Variants in PLCB1 observed in about 807,000 individuals in gnomAD.
The protein encoded by PLCB1 is 1-phosphatidylinositol 4,5-bisphosphate phosphodiesterase beta-1.
A neutral mutation model predicts 161.8 loss-of-function variants in PLCB1; 46 were observed. The observed-to-expected ratio is 0.28, with a 90% CI of 0.22 to 0.36. The LOEUF is 0.36. PLCB1 is among the 10% of genes least tolerant of loss of function. The pLI is 1.00. For missense variants in PLCB1, 1,016 were observed against 1,472.5 expected (o/e 0.69, Z 5.07); for synonymous variants, 517 against 503.7 (o/e 1.03, Z -0.35).
intron 3 of PLCB1, among the ~76,000 whole-genome samples, chr20:8,505,973 A>G (rs1983620785): frequency 6.6e-6 from 1 of 152,206 alleles, no homozygotes. Context: ...GCATAACAGT[A>G]GAATTTAACT....
At chr20:8,311,137 C>T (rs747168715) in intron 2 of PLCB1, among the ~76,000 whole-genome samples, 11 of 152,068 alleles carry the variant, frequency 7.2e-5, no homozygotes, top group Non-Finnish European at 1.2e-4. Flanking sequence ...TATGTGTGTG[C>T]ATTCATCAAA....
At chr20:8,451,359 A>G (rs1981067578) in intron 3 of PLCB1, among the ~76,000 whole-genome samples, 1 of 151,690 alleles carries the variant, frequency 6.6e-6, no homozygotes, top group Non-Finnish European at 1.5e-5. Flanking sequence ...TTTATTTTTT[A>G]TTTTTTGAGA....
chr20:8,309,587 C>T (rs1056759236), intron 2 of PLCB1, among the ~76,000 whole-genome samples: 9 of 152,166 alleles, frequency 5.9e-5, no homozygotes, highest in Non-Finnish European at 1.3e-4. Flanking sequence ...CCCATGATGA[C>T]CTAGTCCATT....
chr20:8,813,441 C>T (rs1464577266), intron 31 of PLCB1, among the ~76,000 whole-genome samples: 2 of 152,126 alleles, frequency 1.3e-5, no homozygotes, highest in East Asian at 3.9e-4. Flanking sequence ...CTGAGACCAG[C>T]TCTAAAGTAA....
At chr20:8,802,227 C>T in intron 31 of PLCB1, 1 of 890,072 alleles carries the variant, frequency 1.1e-6, no homozygotes, top group South Asian at 1.4e-5. Flanking sequence ...TGTAGCCATC[C>T]AGTTTTCAGG....
intron 2 of PLCB1, among the ~76,000 whole-genome samples, chr20:8,157,223 C>A (rs1390898489): frequency 6.6e-6 from 1 of 152,080 alleles, no homozygotes; most frequent in South Asian, 2.1e-4. Context: ...GTTTCTTGGA[C>A]CCTTGGAAAT....
intron 31 of PLCB1, 145 bp from the exon 32 acceptor site, chr20:8,881,477 T>G (rs1396176675): frequency 1.5e-6 from 1 of 672,580 alleles, no homozygotes; most frequent in Admixed American, 2.7e-5. Context: ...CTTTGTTACA[T>G]CTCCTCTATA....
At chr20:8,674,369 A>T (rs6039228) in intron 9 of PLCB1, among the ~76,000 whole-genome samples, 6,934 of 152,218 alleles carry the variant, frequency 0.046, 516 homozygotes, top group African/African-American at 0.16. Flanking sequence ...TCTCACTCTC[A>T]ATTTCTATTT....
At chr20:8,602,453 C>T (rs1987619278) in intron 3 of PLCB1, among the ~76,000 whole-genome samples, 1 of 152,194 alleles carries the variant, frequency 6.6e-6, no homozygotes. Flanking sequence ...ACTTATCTAT[C>T]CCTGTCCAAA....
chr20:8,477,493 T>C (rs534554800), intron 3 of PLCB1, among the ~76,000 whole-genome samples: 1 of 152,250 alleles, frequency 6.6e-6, no homozygotes, highest in South Asian at 2.1e-4. Context: ...ATGTAACTAG[T>C]GTGTATTAGC....
intron 2 of PLCB1, among the ~76,000 whole-genome samples, chr20:8,295,247 A>C (rs1018077534): frequency 6.6e-6 from 1 of 152,178 alleles, no homozygotes; most frequent in East Asian, 1.9e-4. Context: ...TTAAATTGGG[A>C]GGTAGATAAA....
At chr20:8,396,192 C>T (rs1469571130) in intron 3 of PLCB1, among the ~76,000 whole-genome samples, 2 of 152,028 alleles carry the variant, frequency 1.3e-5, no homozygotes, top group Admixed American at 6.6e-5. Context: ...CATATAACTA[C>T]AGAAGTGGGG....
chr20:8,247,426 T>C (rs1980931643), intron 2 of PLCB1, among the ~76,000 whole-genome samples: 1 of 151,968 alleles, frequency 6.6e-6, no homozygotes, highest in Non-Finnish European at 1.5e-5. Context: ...TAGAAATCAT[T>C]AGAAATTTTA....
At chr20:8,514,939 T>A (rs938604121) in intron 3 of PLCB1, among the ~76,000 whole-genome samples, 1 of 152,108 alleles carries the variant, frequency 6.6e-6, no homozygotes, top group African/African-American at 2.4e-5. Context: ...AGATTCTGAG[T>A]TTCCAATAAG....
chr20:8,623,319 T>G (rs1205875767), intron 3 of PLCB1, among the ~76,000 whole-genome samples: 1 of 152,218 alleles, frequency 6.6e-6, no homozygotes, highest in Non-Finnish European at 1.5e-5. Context: ...CTTCTAATTT[T>G]TTTTTGTTTT....
intron 3 of PLCB1, among the ~76,000 whole-genome samples, chr20:8,378,468 T>G (rs1037659291): frequency 6.6e-6 from 1 of 152,236 alleles, no homozygotes; most frequent in Non-Finnish European, 1.5e-5. Context: ...TAAAAATCAG[T>G]TATTTTTAGA....
At chr20:8,234,131 G>A (rs1980206513) in intron 2 of PLCB1, among the ~76,000 whole-genome samples, 1 of 152,082 alleles carries the variant, frequency 6.6e-6, no homozygotes, top group Non-Finnish European at 1.5e-5. Flanking sequence ...GGGATTGAAG[G>A]TGGAATGGGA....
At chr20:8,559,489 A>AT (rs1986073012) in intron 3 of PLCB1, among the ~76,000 whole-genome samples, 1 of 152,002 alleles carries the variant, frequency 6.6e-6, no homozygotes, top group Non-Finnish European at 1.5e-5. Context: ...TTAAATGTAA[A>AT]TGAGCTAAAC....
At chr20:8,371,757 T>A (rs1986911881) in intron 3 of PLCB1, 1 of 264,954 alleles carries the variant, frequency 3.8e-6, no homozygotes, top group East Asian at 7.2e-5. Flanking sequence ...TGAAATTATT[T>A]GAAAAAATCT....
Sources: gnomAD v4.1 joint callset for allele counts (sites outside exome capture counted in the v4.1 genomes callset) on GRCh38, gnomAD v4.1.1 for gene constraint, MANE v1.5 for transcripts, NCBI Gene and HGNC (gene_info 2026-07-23, HGNC 2026-07-21) for gene names.